Variants in RTN1 observed in about 807,000 individuals in gnomAD.
RTN1 encodes the protein reticulon 1, also known as reticulon-1.
A neutral mutation model predicts 65.5 loss-of-function variants in RTN1; 25 were observed. That is an observed-to-expected ratio of 0.38 (90% CI 0.28 to 0.53). The LOEUF (loss-of-function observed/expected upper bound fraction) is 0.53, where lower values mean the gene tolerates loss of function less well. RTN1 is among the 20% of genes least tolerant of loss of function. The pLI is 0.79. For synonymous variants in RTN1, 471 were observed against 447.6 expected, an observed-to-expected ratio of 1.05 and a Z score of -0.66; for missense variants, 983 against 1,025.4, an observed-to-expected ratio of 0.96 and a Z score of 0.57.
At position 59,727,301 on chromosome 14, in the gene RTN1, C is replaced by A; in HGVS notation, c.1383G>T (p.Glu461Asp). 1 of 1,495,888 alleles carries A rather than the reference C, an allele frequency of 6.7e-7. No individual in the cohort carries two copies. Among genetic ancestry groups the A allele is most frequent in the South Asian group, 1.3e-5 (1 of 75,250 alleles). The allele number at this position is 1,495,888 out of a possible 1,614,324, so 92.7% of individuals were successfully genotyped here. The change falls in exon 3 of 9, where the codon GAG becomes GAT. Residue 461 changes from glutamate (E) to aspartate (D), a missense_variant. By Grantham distance (45) the Glu-to-Asp change is conservative. Transcript: ENST00000267484. The surrounding 1 kb of genome is among the most constrained non-coding windows in gnomAD (Gnocchi z 4.2). ...ACTCGATGATGAGCTCGCTGTCCAG[C>A]TCGGCCTCGCGCTCCTCCCTCAGGA... ...YSILREEREA[E>D]LDSELIIESC...
At position 59,669,265 on chromosome 14, in the gene RTN1, C is replaced by G. The variant is rs372249158; in HGVS notation, c.1765+57654G>C. Among the ~76,000 whole-genome samples, 36 of 152,274 alleles carry G rather than the reference C, an allele frequency of 2.4e-4. No individual in the cohort carries two copies. In the East Asian group the frequency reaches 6.9e-3, roughly 29 times the overall value. On this transcript the variant is annotated intron_variant, in intron 3 of 8. Coordinates refer to ENST00000267484, the MANE Select transcript of RTN1 (RefSeq NM_021136.3). ...TGTGGCACATATACACCATGGAATA[C>G]TATGCAGCCATAAAAAAGGATGGGT... is the stretch of plus-strand genomic sequence containing the variant.
chr14:59,635,705 TA>T (rs1882650221), intron 3 of RTN1, among the ~76,000 whole-genome samples: 1 of 152,072 alleles, frequency 6.6e-6, no homozygotes, highest in African/African-American at 2.4e-5. Context: ...ACTAGAGAAT[TA>T]ATCAAACAAT....
intron 3 of RTN1, among the ~76,000 whole-genome samples, chr14:59,715,708 C>T (rs957143284): frequency 1.3e-5 from 2 of 151,922 alleles, no homozygotes; most frequent in African/African-American, 4.8e-5. Context: ...CACCTGTAAT[C>T]CTAGCTACTT....
intron 1 of RTN1, among the ~76,000 whole-genome samples, chr14:59,799,743 C>T (rs143733805): frequency 1.3e-5 from 2 of 152,102 alleles, no homozygotes; most frequent in East Asian, 1.9e-4. Flanking sequence ...GGGAGGCAAA[C>T]AAAAAATACT....
intron 3 of RTN1, among the ~76,000 whole-genome samples, chr14:59,661,627 A>C (rs59540269): frequency 0.02 from 3,005 of 152,368 alleles, 102 homozygotes; most frequent in African/African-American, 0.068. Flanking sequence ...AATCCATCAC[A>C]TAAACAGAAC....
intron 1 of RTN1, among the ~76,000 whole-genome samples, chr14:59,785,818 C>A (rs1886240038): frequency 6.6e-6 from 1 of 152,178 alleles, no homozygotes; most frequent in African/African-American, 2.4e-5. Context: ...CTTCCATTCA[C>A]CCATGAAGAT....
intron 1 of RTN1, among the ~76,000 whole-genome samples, chr14:59,814,285 C>T (rs1315058270): frequency 6.6e-6 from 1 of 152,208 alleles, no homozygotes; most frequent in Non-Finnish European, 1.5e-5. Flanking sequence ...AAGGCTCTTA[C>T]TGGATTTATA....
intron 3 of RTN1, among the ~76,000 whole-genome samples, chr14:59,721,960 GT>G (rs1412695554): frequency 2.6e-5 from 4 of 152,030 alleles, no homozygotes; most frequent in African/African-American, 9.7e-5. Context: ...CCCTGTTGGT[GT>G]TTTTTCCAAC....
intron 3 of RTN1, among the ~76,000 whole-genome samples, chr14:59,719,191 G>C (rs1884598224): frequency 6.6e-6 from 1 of 152,140 alleles, no homozygotes; most frequent in Admixed American, 6.5e-5. Context: ...TGCATGGAAG[G>C]GCACTGCCAA....
chr14:59,808,776 C>T (rs1291424970), intron 1 of RTN1, among the ~76,000 whole-genome samples: 1 of 152,100 alleles, frequency 6.6e-6, no homozygotes, highest in East Asian at 1.9e-4. Flanking sequence ...AATGAGTTCT[C>T]ATGCAACCTG....
chr14:59,630,849 A>C, intron 3 of RTN1: 1 of 998,952 alleles, frequency 1.0e-6, no homozygotes, highest in Non-Finnish European at 1.2e-6. Flanking sequence ...AGTGGGTGGG[A>C]GGTTTGGGAG....
chr14:59,670,088 A>G (rs1201257594), intron 3 of RTN1, among the ~76,000 whole-genome samples: 1 of 152,246 alleles, frequency 6.6e-6, no homozygotes, highest in Non-Finnish European at 1.5e-5. Context: ...CCAGTACATC[A>G]ACATAACAGA....
intron 3 of RTN1, among the ~76,000 whole-genome samples, chr14:59,661,902 G>T (rs1883256436): frequency 1.3e-5 from 2 of 152,270 alleles, no homozygotes; most frequent in South Asian, 4.1e-4. Context: ...TCTGGCCAGG[G>T]CAATCAGGCA....
chr14:59,850,410 G>C (rs530551669), intron 1 of RTN1, among the ~76,000 whole-genome samples: 1 of 152,334 alleles, frequency 6.6e-6, no homozygotes, highest in African/African-American at 2.4e-5. Context: ...ATTGAGTACT[G>C]TGCTGAAAGT....
chr14:59,776,210 G>A (rs1886047532), intron 1 of RTN1, among the ~76,000 whole-genome samples: 1 of 152,092 alleles, frequency 6.6e-6, no homozygotes, highest in Non-Finnish European at 1.5e-5. Context: ...AAGTTCATGT[G>A]TTGGAAACTG....
In RTN1 at chr14:59,832,064, T is replaced by C. The variant is rs2139642229; in HGVS notation, c.241+38326A>G. ...GGTTACAAGGATCTTAAAAGGGTCA[T>C]TAAACACCTCCCCCAACTCTGAGTT... On this transcript the variant is annotated intron_variant, in intron 1 of 8. Coordinates refer to ENST00000267484, the MANE Select transcript of RTN1 (RefSeq NM_021136.3). 2.0e-5 allele frequency among the ~76,000 whole-genome samples: 3 copies of C among 152,224 alleles called. No homozygotes were observed. In the South Asian group the frequency reaches 6.2e-4, roughly 32 times the overall value.
chr14:59,800,348 G>A (rs1362049224), intron 1 of RTN1, among the ~76,000 whole-genome samples: 5 of 152,080 alleles, frequency 3.3e-5, no homozygotes, highest in Admixed American at 3.3e-4. Flanking sequence ...TTTGATGTTT[G>A]GCATTTATTC....
chr14:59,666,758 G>A (rs1221476542), intron 3 of RTN1, among the ~76,000 whole-genome samples: 1 of 151,728 alleles, frequency 6.6e-6, no homozygotes, highest in Non-Finnish European at 1.5e-5. Context: ...TGATAAAGGG[G>A]ATATCACCAC....
rs542971267 is a variant in RTN1 at position 59,717,893 on chromosome 14, T to C, written c.1765+9026A>G. 2.0e-5 allele frequency among the ~76,000 whole-genome samples: 3 copies of C among 152,190 alleles called. No homozygotes were observed. In the South Asian group the frequency reaches 6.2e-4, roughly 32 times the overall value. The stretch of plus-strand genomic sequence containing the variant: ...ATCAGCCCCGACATAGTCCCTAGAG[T>C]AATGATTCTCAAGTTCTCTGCCTAC... On this transcript the variant is annotated intron_variant, in intron 3 of 8. Transcript: ENST00000267484.
Sources: allele counts gnomAD v4.1 joint callset (sites outside exome capture counted in the v4.1 genomes callset), GRCh38; gene constraint gnomAD v4.1.1; non-coding constraint Gnocchi (gnomAD v3.1); transcripts MANE v1.5; gene names NCBI Gene and HGNC (gene_info 2026-07-23, HGNC 2026-07-21).